The following TENT5C variants were observed in gnomAD, a reference collection of about 807,000 sequenced individuals.
The protein encoded by TENT5C is family with sequence similarity 46 member C.
A neutral mutation model predicts 22.2 loss-of-function variants in TENT5C; 5 were observed. The observed-to-expected ratio is 0.22, with a 90% CI of 0.12 to 0.47. TENT5C has a LOEUF of 0.47. Among genes scored for constraint, TENT5C ranks in the 20% least tolerant of loss-of-function variants. TENT5C has a pLI of 0.99. For synonymous variants in TENT5C, 199 were observed against 195.4 expected (o/e 1.02, Z -0.15); for missense variants, 364 against 500.9 (o/e 0.73, Z 2.61).
chr1:117,618,399 T>G (rs1459068729), intron 1 of TENT5C, among the ~76,000 whole-genome samples: 1 of 151,932 alleles, frequency 6.6e-6, no homozygotes, highest in Non-Finnish European at 1.5e-5. Flanking sequence ...AGTCTGAGGT[T>G]TTTTTTTAAT....
chr1:117,616,527 G>A (rs549074483), intron 1 of TENT5C, among the ~76,000 whole-genome samples: 59 of 152,284 alleles, frequency 3.9e-4, no homozygotes, highest in African/African-American at 1.4e-3. Flanking sequence ...ACAGGTGCAC[G>A]GGTCCCCTGT....
chr1:117,623,576 A>G lies in TENT5C; in HGVS notation c.708A>G (p.Pro236=). 6.2e-7 allele frequency: 1 copy of G among 1,613,966 alleles called. No individual in the cohort carries two copies. The highest frequency in any genetic ancestry group is 1.3e-5 in the African/African-American group (1 of 74,974). ...ACAGACTGATCGCCACCAAGAACCC[A>G]GAAGAAATCAGAGGCGGGGGACTTC... ...LQNRLIATKN[P]EEIRGGGLLK... Residue 236 remains proline, a synonymous_variant, in exon 2 of 2, where the codon CCA becomes CCG. Transcript: ENST00000369448.
chr1:117,623,177 A>G lies in TENT5C; in HGVS notation c.309A>G (p.Ala103=). The change falls in exon 2 of 2, where the codon GCA becomes GCG. Residue 103 remains alanine, a synonymous_variant. Transcript: ENST00000369448. ...TCCATGTGGCTCTTCCAACAGAGGC[A>G]GAATTTCAGCTGGTTAGAGATGTGG... ...LIFHVALPTE[A]EFQLVRDVVL... 1 of 1,614,226 alleles carries G rather than the reference A, an allele frequency of 6.2e-7. No individual in the cohort carries two copies. Among genetic ancestry groups the G allele is most frequent in the Non-Finnish European group, 8.5e-7 (1 of 1,180,034 alleles).
chr1:117,619,939 C>G lies in TENT5C; in HGVS notation c.-27-2903C>G, dbSNP rs529302882. Among the ~76,000 whole-genome samples, 5 of 152,274 alleles carry G rather than the reference C, an allele frequency of 3.3e-5. No individual in the cohort carries two copies. In the East Asian group the frequency reaches 9.6e-4, roughly 29 times the overall value. On this transcript the variant is annotated intron_variant, in intron 1 of 1. Coordinates refer to ENST00000369448, the MANE Select transcript of TENT5C (RefSeq NM_017709.4). Reference sequence around the variant, plus strand: ...TTGTGATATCTGTTACAGGCTAGTGCATATCATTCCTATTTTTCACAATGT... The same window carrying G: ...TTGTGATATCTGTTACAGGCTAGTGGATATCATTCCTATTTTTCACAATGT...
At chr1:117,613,792 G>T (rs1653719700) in intron 1 of TENT5C, among the ~76,000 whole-genome samples, 1 of 152,202 alleles carries the variant, frequency 6.6e-6, no homozygotes, top group African/African-American at 2.4e-5. Flanking sequence ...GGAGCTGAGA[G>T]TGAGAAAAGA....
At chr1:117,608,740 G>A (rs1398105270) in intron 1 of TENT5C, among the ~76,000 whole-genome samples, 1 of 150,916 alleles carries the variant, frequency 6.6e-6, no homozygotes, top group African/African-American at 2.4e-5. Context: ...GAAACCCAAA[G>A]GCTCTCAGTG....
In TENT5C at chr1:117,628,356, T is replaced by G. The variant is rs919591876; in HGVS notation, c.*4312T>G. 4.2e-6 allele frequency: 1 copy of G among 236,704 alleles called. No homozygotes were observed. 14.7% of individuals were successfully genotyped at this position (236,704 alleles called of 1,614,324 possible). A position where few individuals can be genotyped will look rare whatever the true frequency, so the allele number is the denominator to read the frequency against. On this transcript the variant is annotated 3_prime_UTR_variant, in exon 2 of 2. Transcript: ENST00000369448. The stretch of plus-strand genomic sequence containing the variant: ...TTGAGTTTGAGAAATAAAGGTATAT[T>G]TAAAATTTAAATAAAACTTGTCATT...
intron 1 of TENT5C, among the ~76,000 whole-genome samples, chr1:117,607,119 C>T (rs1653556842): frequency 6.6e-6 from 1 of 152,168 alleles, no homozygotes; most frequent in Non-Finnish European, 1.5e-5. Context: ...GGTTGGTAGC[C>T]TGCACACCTG....
intron 1 of TENT5C, among the ~76,000 whole-genome samples, chr1:117,614,302 T>C (rs1224415352): frequency 6.6e-6 from 1 of 152,196 alleles, no homozygotes; most frequent in Non-Finnish European, 1.5e-5. Flanking sequence ...CCCTGGTTTT[T>C]CTCGTTTCTG....
At chr1:117,616,221 G>A (rs1653777348) in intron 1 of TENT5C, among the ~76,000 whole-genome samples, 2 of 152,162 alleles carry the variant, frequency 1.3e-5, no homozygotes, top group South Asian at 2.1e-4. Context: ...TTCCTATGAG[G>A]ATTAGATGGG....
intron 1 of TENT5C, among the ~76,000 whole-genome samples, chr1:117,620,586 C>A (rs1017326676): frequency 6.6e-6 from 1 of 152,178 alleles, no homozygotes; most frequent in Non-Finnish European, 1.5e-5. Context: ...TCCCCACCCC[C>A]CTGACCACGG....
intron 1 of TENT5C, among the ~76,000 whole-genome samples, chr1:117,618,397 GTT>G (rs574013203): frequency 6.6e-6 from 1 of 151,320 alleles, no homozygotes; most frequent in Non-Finnish European, 1.5e-5. Flanking sequence ...AGAGTCTGAG[GTT>G]TTTTTTTAAT....
At chr1:117,611,813 C>G (rs1409951694) in intron 1 of TENT5C, among the ~76,000 whole-genome samples, 1 of 152,164 alleles carries the variant, frequency 6.6e-6, no homozygotes, top group Non-Finnish European at 1.5e-5. Context: ...AACCACGGCA[C>G]TGCAGCCTTG....
chr1:117,620,822 T>A (rs1037018825), intron 1 of TENT5C, among the ~76,000 whole-genome samples: 2 of 152,114 alleles, frequency 1.3e-5, no homozygotes, highest in African/African-American at 4.8e-5. Context: ...CAGGAACAGG[T>A]TCATGCTGCA....
At chr1:117,620,835 T>C (rs860395) in intron 1 of TENT5C, among the ~76,000 whole-genome samples, 16,649 of 152,124 alleles carry the variant, frequency 0.11, 1,300 homozygotes, top group African/African-American at 0.22. Context: ...ATGCTGCAAC[T>C]ATCATTCCCC....
Position 117,626,052 on chromosome 1 carries a change from A to G in TENT5C, c.*2008A>G. On this transcript the variant is annotated 3_prime_UTR_variant, in exon 2 of 2. Transcript: ENST00000369448. ...TTTGGAAACTATCTGGTCATTCATG[A>G]CCTTAAAAAGCTGCCATGGTGGTCA... is the stretch of plus-strand genomic sequence containing the variant. 4.0e-6 allele frequency: 1 copy of G among 248,030 alleles called. No homozygotes were observed. The highest frequency in any genetic ancestry group is 6.0e-5 in the East Asian group (1 of 16,578). The allele number at this position is 248,030 out of a possible 1,614,324, so 15.4% of individuals were successfully genotyped here. A position where few individuals can be genotyped will look rare whatever the true frequency, so the allele number is the denominator to read the frequency against.
intron 1 of TENT5C, 51 bp from the exon 2 acceptor site, chr1:117,622,791 T>G (rs1653922807): frequency 7.6e-7 from 1 of 1,311,322 alleles, no homozygotes. Flanking sequence ...CTCGAGCTGC[T>G]TTGCCATGTA....
At position 117,626,185 on chromosome 1, in the gene TENT5C, A is replaced by G. The variant is rs548084333; in HGVS notation, c.*2141A>G. ...CCTAACAGAAATCAGTATTTCTTCT[A>G]CTTAGAAGGCTTGGGGCCCAGGGTA... On this transcript the variant is annotated 3_prime_UTR_variant, in exon 2 of 2. Coordinates refer to ENST00000369448, the MANE Select transcript of TENT5C (RefSeq NM_017709.4). 9.9e-4 allele frequency: 243 copies of G among 245,484 alleles called. 1 individual carries two copies. Among genetic ancestry groups the G allele is most frequent in the African/African-American group, 5.1e-3 (229 of 44,842 alleles). The allele number at this position is 245,484 out of a possible 1,614,324, so 15.2% of individuals were successfully genotyped here. A position where few individuals can be genotyped will look rare whatever the true frequency, so the allele number is the denominator to read the frequency against.
At chr1:117,618,912 A>G (rs777883528) in intron 1 of TENT5C, among the ~76,000 whole-genome samples, 1 of 152,194 alleles carries the variant, frequency 6.6e-6, no homozygotes, top group East Asian at 1.9e-4. Context: ...TTGTTTTTCT[A>G]TTAATGAGTC....
Sources: gnomAD v4.1 joint callset for allele counts (sites outside exome capture counted in the v4.1 genomes callset) on GRCh38, gnomAD v4.1.1 for gene constraint, MANE v1.5 for transcripts, NCBI Gene and HGNC (gene_info 2026-07-23, HGNC 2026-07-21) for gene names.